Variants in AQP4 observed in about 807,000 individuals in gnomAD.
AQP4 encodes aquaporin 4.
In AQP4, 18 loss-of-function variants were observed where a neutral mutation model predicts 27.8. That is an observed-to-expected ratio of 0.65 (90% CI 0.45 to 0.96). AQP4 has a LOEUF of 0.96. AQP4 is among the 40% of genes least tolerant of loss of function. The pLI, the probability that AQP4 is intolerant of heterozygous loss-of-function variation, is 0.00. For missense variants in AQP4, 412 were observed against 408.2 expected (o/e 1.01, Z -0.08); for synonymous variants, 141 against 142.9 (o/e 0.99, Z 0.10).
At chr18:26,862,815 T>C in intron 1 of AQP4, 1 of 626,730 alleles carries the variant, frequency 1.6e-6, no homozygotes, top group East Asian at 2.8e-5. Context: ...TCATCCAGTT[T>C]CACGGAAAAT....
Position 26,862,454 on chromosome 18 carries a change from A to T in AQP4, c.175T>A (p.Trp59Arg), listed in dbSNP as rs778217275. The change falls in exon 2 of 5, where the codon TGG becomes AGG. Residue 59 changes from tryptophan (W) to arginine (R), a missense_variant. Transcript: ENST00000383168. ...VLLSLGSTIN[W>R]GGTEKPLPVD... ...GGTAAAGGCTTTTCTGTTCCACCCC[A>T]GTTGATGGTGGATCCCAGGCTGAGG... 1 of 1,614,076 alleles carries T rather than the reference A, an allele frequency of 6.2e-7. No homozygotes were observed.
chr18:26,857,192 C>A (rs1050449805), intron 4 of AQP4, among the ~76,000 whole-genome samples: 14 of 152,110 alleles, frequency 9.2e-5, no homozygotes, highest in African/African-American at 3.4e-4. Flanking sequence ...AAATGAAAAC[C>A]TCGTGTTCAT....
chr18:26,864,478 C>A (rs62083712), intron 1 of AQP4, among the ~76,000 whole-genome samples: 103 of 152,244 alleles, frequency 6.8e-4, no homozygotes, highest in African/African-American at 2.4e-3. Flanking sequence ...TGAAAAACCC[C>A]AGGTGGGATG....
At chr18:26,861,339 T>G in intron 2 of AQP4, 44 bp from the exon 3 acceptor site, 1 of 1,579,450 alleles carries the variant, frequency 6.3e-7, no homozygotes, top group South Asian at 1.1e-5. Context: ...GCAAGAGTAT[T>G]TTCGATGACA....
intron 2 of AQP4, 122 bp downstream of exon 2, chr18:26,862,060 C>A (rs952579861): frequency 1.7e-6 from 2 of 1,157,018 alleles, no homozygotes; most frequent in African/African-American, 1.5e-5. Context: ...TAAGAATCAT[C>A]AAAAATTCCC....
chr18:26,855,116 C>T lies in AQP4; in HGVS notation c.*1095G>A, dbSNP rs1277101205. On this transcript the variant is annotated 3_prime_UTR_variant, in exon 5 of 5. Transcript: ENST00000383168. Reference sequence around the variant, plus strand: ...TTACACTTGCAGTAAAGATTATCAACAAATGTCACGAGAAGTGAGAGAGCA... The same window carrying T: ...TTACACTTGCAGTAAAGATTATCAATAAATGTCACGAGAAGTGAGAGAGCA... 1 of 152,178 alleles carries T rather than the reference C, an allele frequency of 6.6e-6. No individual in the cohort carries two copies. Among genetic ancestry groups the T allele is most frequent in the Non-Finnish European group, 1.5e-5 (1 of 68,040 alleles). The allele number at this position is 152,178 out of a possible 1,614,324, so 9.4% of individuals were successfully genotyped here. A position where few individuals can be genotyped will look rare whatever the true frequency, so the allele number is the denominator to read the frequency against.
Position 26,862,356 on chromosome 18 carries a change from G to C in AQP4, c.273C>G (p.Ile91Met), listed in dbSNP as rs767415035. Residue 91 changes from isoleucine (I) to methionine (M), a missense_variant, in exon 2 of 5, where the codon ATC becomes ATG. By Grantham distance (10) the Ile-to-Met change is conservative. Coordinates refer to ENST00000383168, the MANE Select transcript of AQP4 (RefSeq NM_001650.7). ...IATMVQCFGH[I>M]SGGHINPAVT... is the part of the protein sequence containing the mutation. Reference sequence around the variant, plus strand: ...CTGCAGGGTTGATGTGGCCACCGCTGATATGGCCAAAGCACTGCACCATGG... The same window carrying C: ...CTGCAGGGTTGATGTGGCCACCGCTCATATGGCCAAAGCACTGCACCATGG... 1 of 1,614,202 alleles carries C rather than the reference G, an allele frequency of 6.2e-7. No homozygotes were observed. The highest frequency in any genetic ancestry group is 2.2e-5 in the East Asian group (1 of 44,878).
rs1238335346 is a variant in AQP4, at chr18:26,852,327, G to GT, written c.*3883dup. 2.0e-5 allele frequency: 3 copies of GT among 152,184 alleles called. No homozygotes were observed. Among genetic ancestry groups the GT allele is most frequent in the Non-Finnish European group, 4.4e-5 (3 of 68,074 alleles). 9.4% of individuals were successfully genotyped at this position (152,184 alleles called of 1,614,324 possible). A position where few individuals can be genotyped will look rare whatever the true frequency, so the allele number is the denominator to read the frequency against. On this transcript the variant is annotated 3_prime_UTR_variant, in exon 5 of 5. Transcript: ENST00000383168. ...AAAAGTGATAAATAATTGTTTATAT[G>GT]TTTTCATAAATTGCATGTTTATTTA... is the stretch of plus-strand genomic sequence containing the variant.
intron 2 of AQP4, chr18:26,861,940 C>A: frequency 5.3e-6 from 3 of 564,208 alleles, no homozygotes; most frequent in South Asian, 4.3e-5. Context: ...AGGAAAAAAC[C>A]AACACAATTT....
intron 1 of AQP4, among the ~76,000 whole-genome samples, chr18:26,864,841 C>T (rs910773586): frequency 2.0e-5 from 3 of 152,078 alleles, no homozygotes; most frequent in African/African-American, 7.2e-5. Context: ...CAGAAAAGGC[C>T]AGCCCCGCTG....
Position 26,856,275 on chromosome 18 carries a change from T to A in AQP4, c.908A>T (p.Asp303Val). The change falls in exon 5 of 5, where the codon GAC (aspartate) becomes GTC (valine). Residue 303 changes from aspartate (D) to valine (V), a missense_variant. Transcript: ENST00000383168. ...CTTCTTCTCCTCTCCCCGGTCAACG[T>A]CAATCACATGCACCACTCCAGGTTT... ...ILKPGVVHVI[D>V]VDRGEEKKGK... 1 of 1,614,196 alleles carries A rather than the reference T, an allele frequency of 6.2e-7. No homozygotes were observed. Among genetic ancestry groups the A allele is most frequent in the Non-Finnish European group, 8.5e-7 (1 of 1,180,036 alleles).
rs778306014 is a variant in AQP4, at chr18:26,856,179, G to A, written c.*32C>T. On this transcript the variant is annotated 3_prime_UTR_variant, in exon 5 of 5. Coordinates refer to ENST00000383168, the MANE Select transcript of AQP4 (RefSeq NM_001650.7). ...AAGGAAATCTGAGGACAGTTCTAAG[G>A]AGTCTTGTCTGCTTTCAGTGCGATC... 5 of 1,612,788 alleles carry A rather than the reference G, an allele frequency of 3.1e-6. No homozygotes were observed. The South Asian group carries it at 3.3e-5, about 11-fold the overall frequency.
chr18:26,864,404 C>T (rs2055018239), intron 1 of AQP4, among the ~76,000 whole-genome samples: 1 of 151,792 alleles, frequency 6.6e-6, no homozygotes, highest in African/African-American at 2.4e-5. Flanking sequence ...GAGCTGGCTC[C>T]ACAGGGGGGT....
In AQP4 at chr18:26,861,190, C is replaced by A. The variant is rs764543071; in HGVS notation, c.553G>T (p.Val185Phe). Residue 185 changes from valine to phenylalanine, a missense_variant, in exon 3 of 5, where the codon GTC (valine) becomes TTC (phenylalanine). Coordinates refer to ENST00000383168, the MANE Select transcript of AQP4 (RefSeq NM_001650.7). ...ATTGCTAAAGCTATTGAGCCAGTGA[C>A]ATCAGTCCGTTTGGAATCACAGCTG... Reference protein sequence around the residue: ...FASCDSKRTDVTGSIALAIGF... With the variant: ...FASCDSKRTDFTGSIALAIGF... 1 of 1,614,084 alleles carries A rather than the reference C, an allele frequency of 6.2e-7. No individual in the cohort carries two copies. The highest frequency in any genetic ancestry group is 8.5e-7 in the Non-Finnish European group (1 of 1,179,968).
chr18:26,861,912 T>C (rs2054952895), intron 2 of AQP4: 2 of 527,730 alleles, frequency 3.8e-6, no homozygotes, highest in Non-Finnish European at 6.8e-6. Flanking sequence ...AATATAGTAA[T>C]TGGAATGGGA....
rs2054840336 is a variant in AQP4 at position 26,856,282 on chromosome 18, C to T, written c.901G>A (p.Val301Met). 6.2e-7 allele frequency: 1 copy of T among 1,614,102 alleles called. No individual in the cohort carries two copies. The highest frequency in any genetic ancestry group is 8.5e-7 in the Non-Finnish European group (1 of 1,180,046). Residue 301 changes from valine to methionine, a missense_variant, in exon 5 of 5, where the codon GTG (valine) becomes ATG (methionine). Physicochemically the swap from Val to Met is conservative, Grantham distance 21. Coordinates refer to ENST00000383168, the MANE Select transcript of AQP4 (RefSeq NM_001650.7). ...DLILKPGVVH[V>M]IDVDRGEEKK... is the part of the protein sequence containing the mutation. The stretch of plus-strand genomic sequence containing the variant: ...TCCTCTCCCCGGTCAACGTCAATCA[C>T]ATGCACCACTCCAGGTTTTAGAATC...
At chr18:26,861,626 G>A (rs1223272239) in intron 2 of AQP4, among the ~76,000 whole-genome samples, 1 of 151,924 alleles carries the variant, frequency 6.6e-6, no homozygotes, top group Non-Finnish European at 1.5e-5. Context: ...ATTTTATAAG[G>A]CAATGATTAA....
At chr18:26,863,007 G>T (rs2054986333) in intron 1 of AQP4, 2 of 173,934 alleles carry the variant, frequency 1.1e-5, no homozygotes, top group Admixed American at 5.8e-5. Flanking sequence ...GGGGGGGGGG[G>T]GTCGTCTTTT....
At position 26,862,213 on chromosome 18, in the gene AQP4, G is replaced by A. The variant is rs1490547064; in HGVS notation, c.416C>T (p.Pro139Leu). The A allele has an allele frequency of 1.2e-6, 2 of 1,614,134 alleles. No homozygotes were observed. The highest frequency in any genetic ancestry group is 2.2e-5 in the East Asian group (1 of 44,866). ...GAGILYLVTPPSVVGGLGVTM... is the reference protein window; with the variant it reads ...GAGILYLVTPLSVVGGLGVTM... ...GACTCCCAGGCCTCCCACCACACTG[G>A]GAGGTGTGACCAGATAGAGGATTCC... The change falls in exon 2 of 5, where the codon CCC (proline) becomes CTC (leucine). Residue 139 changes from proline (P) to leucine (L), a missense_variant. By Grantham distance (98) the Pro-to-Leu change is moderately conservative. Transcript: ENST00000383168.
Sources: allele counts gnomAD v4.1 joint callset (sites outside exome capture counted in the v4.1 genomes callset), GRCh38; gene constraint gnomAD v4.1.1; transcripts MANE v1.5; gene names NCBI Gene and HGNC (gene_info 2026-07-23, HGNC 2026-07-21).